The following ZCCHC24 variants were observed in gnomAD, a reference collection of about 807,000 sequenced individuals.
ZCCHC24 encodes zinc finger CCHC domain-containing protein 24.
A neutral mutation model predicts 26.2 loss-of-function variants in ZCCHC24; 10 were observed. The observed-to-expected ratio is 0.38, with a 90% CI of 0.24 to 0.65. The LOEUF (loss-of-function observed/expected upper bound fraction) is 0.65, where lower values mean the gene tolerates loss of function less well. ZCCHC24 is among the 30% of genes least tolerant of loss of function. The pLI is 0.54. For synonymous variants in ZCCHC24, 144 were observed against 147.1 expected (o/e 0.98, Z 0.15); for missense variants, 243 against 329.1 (o/e 0.74, Z 2.03).
chr10:79,408,895 A>G (rs990192283), intron 2 of ZCCHC24: 1 of 152,224 alleles, frequency 6.6e-6, no homozygotes, highest in African/African-American at 2.4e-5. Flanking sequence ...CAGTTTCCCC[A>G]TCTGTCCATG....
chr10:79,389,121 T>G (rs1458627269), intron 3 of ZCCHC24, among the ~76,000 whole-genome samples: 1 of 152,218 alleles, frequency 6.6e-6, no homozygotes, highest in Non-Finnish European at 1.5e-5. Flanking sequence ...AGCACCCTCC[T>G]GTGTTTGATG....
intron 2 of ZCCHC24, among the ~76,000 whole-genome samples, chr10:79,406,639 G>A (rs1469279207): frequency 6.6e-6 from 1 of 152,164 alleles, no homozygotes; most frequent in African/African-American, 2.4e-5. Flanking sequence ...CCTGCTATGT[G>A]TGGGGTTACC....
intron 2 of ZCCHC24, among the ~76,000 whole-genome samples, chr10:79,428,410 AAATTTCAGTTTTGCAAGAT>A (rs1857066746): frequency 3.1e-5 from 1 of 32,472 alleles, no homozygotes; most frequent in East Asian, 4.1e-4. Flanking sequence ...TTTGCAAGAT[AAATTTCAGTTTTGCAAGAT>A]AAATTTCAGT....
chr10:79,411,260 C>A (rs1230760474), intron 2 of ZCCHC24, among the ~76,000 whole-genome samples: 1 of 152,180 alleles, frequency 6.6e-6, no homozygotes, highest in Non-Finnish European at 1.5e-5. Context: ...TAAAAAGAGG[C>A]CTTGACCTCT....
At chr10:79,399,316 C>T (rs556003590) in intron 2 of ZCCHC24, among the ~76,000 whole-genome samples, 2 of 152,352 alleles carry the variant, frequency 1.3e-5, no homozygotes, top group East Asian at 1.9e-4. Flanking sequence ...CACACACCCC[C>T]CTGCCTCCTC....
chr10:79,417,503 T>C (rs1856880265), intron 2 of ZCCHC24, among the ~76,000 whole-genome samples: 1 of 152,176 alleles, frequency 6.6e-6, no homozygotes, highest in African/African-American at 2.4e-5. Flanking sequence ...CCATCCGTTG[T>C]TGTGGGCAGA....
chr10:79,428,355 G>GA (rs143191049), intron 2 of ZCCHC24, among the ~76,000 whole-genome samples: 32,684 of 143,210 alleles, frequency 0.23, 4,765 homozygotes, highest in African/African-American at 0.34. Context: ...GGTTGCTGGG[G>GA]GGCAGGGAGG....
At chr10:79,403,014 C>T (rs1856658024) in intron 2 of ZCCHC24, among the ~76,000 whole-genome samples, 1 of 152,200 alleles carries the variant, frequency 6.6e-6, no homozygotes, top group African/African-American at 2.4e-5. Flanking sequence ...ATGAAGAATG[C>T]CCTGTCTTCA....
chr10:79,387,832 G>A (rs1377557263), intron 3 of ZCCHC24, among the ~76,000 whole-genome samples: 1 of 152,224 alleles, frequency 6.6e-6, no homozygotes, highest in Non-Finnish European at 1.5e-5. Context: ...AGGCAGGTGG[G>A]GAGACTGTGG....
At chr10:79,390,598 C>T (rs1451130972) in intron 3 of ZCCHC24, among the ~76,000 whole-genome samples, 2 of 152,228 alleles carry the variant, frequency 1.3e-5, no homozygotes, top group East Asian at 3.8e-4. Context: ...CTCGACTGCT[C>T]AGCCCTGCTT....
intron 2 of ZCCHC24, among the ~76,000 whole-genome samples, chr10:79,397,305 A>G (rs1856559492): frequency 6.6e-6 from 1 of 152,186 alleles, no homozygotes; most frequent in South Asian, 2.1e-4. Flanking sequence ...CACTGGTCAG[A>G]TCTGAGAAAG....
intron 3 of ZCCHC24, among the ~76,000 whole-genome samples, chr10:79,389,690 A>T (rs1856449424): frequency 6.6e-6 from 1 of 151,556 alleles, no homozygotes; most frequent in African/African-American, 2.4e-5. Flanking sequence ...ATCTCGGCTC[A>T]CAGCAACCTC....
At chr10:79,415,659 G>T (rs1856849770) in intron 2 of ZCCHC24, among the ~76,000 whole-genome samples, 1 of 152,198 alleles carries the variant, frequency 6.6e-6, no homozygotes, top group Admixed American at 6.5e-5. Flanking sequence ...AGGTCTGAAA[G>T]GCCTTGTTGA....
chr10:79,428,522 G>A (rs1483837846), intron 2 of ZCCHC24, among the ~76,000 whole-genome samples: 1 of 146,906 alleles, frequency 6.8e-6, no homozygotes, highest in East Asian at 2.1e-4. Flanking sequence ...GGTGGTGATG[G>A]TCATACAACG....
At position 79,384,264 on chromosome 10, in the gene ZCCHC24, A is replaced by T. The variant is rs148823023; in HGVS notation, c.*2081T>A. The stretch of plus-strand genomic sequence containing the variant: ...CCTCCAGTGGTCTGGGGCCTGGGTT[A>T]GTTTTAGGGTGTGGGCCCCCCACCT... On this transcript the variant is annotated 3_prime_UTR_variant, in exon 4 of 4. Coordinates refer to ENST00000372336, the MANE Select transcript of ZCCHC24 (RefSeq NM_153367.4). 1 of 152,318 alleles carries T rather than the reference A, an allele frequency of 6.6e-6. No homozygotes were observed. 9.4% of individuals were successfully genotyped at this position (152,318 alleles called of 1,614,324 possible).
chr10:79,393,079 C>A (rs370350588), intron 3 of ZCCHC24, among the ~76,000 whole-genome samples: 6 of 152,290 alleles, frequency 3.9e-5, no homozygotes, highest in East Asian at 1.9e-4. Flanking sequence ...GACCATCAAA[C>A]ACTGGGATTC....
chr10:79,410,632 T>C (rs527568841), intron 2 of ZCCHC24, among the ~76,000 whole-genome samples: 3 of 152,080 alleles, frequency 2.0e-5, no homozygotes, highest in African/African-American at 7.2e-5. Context: ...TATCTTAGAG[T>C]TAAATATCAG....
chr10:79,429,439 G>A (rs565848999), intron 2 of ZCCHC24, among the ~76,000 whole-genome samples: 19 of 152,256 alleles, frequency 1.2e-4, no homozygotes, highest in Non-Finnish European at 2.2e-4. Context: ...AAAATTAGCC[G>A]GGCATGATGG....
intron 1 of ZCCHC24, among the ~76,000 whole-genome samples, chr10:79,433,667 T>C (rs1857169208): frequency 1.3e-5 from 2 of 152,176 alleles, no homozygotes; most frequent in Admixed American, 1.3e-4. Flanking sequence ...GGCTTAAGTA[T>C]CTCCTGGCCC....
Sources: gnomAD v4.1 joint callset for allele counts (sites outside exome capture counted in the v4.1 genomes callset) on GRCh38, gnomAD v4.1.1 for gene constraint, MANE v1.5 for transcripts, NCBI Gene and HGNC (gene_info 2026-07-23, HGNC 2026-07-21) for gene names.